Variants in AZIN2 observed in about 807,000 individuals in gnomAD.
AZIN2 encodes ODC antizyme inhibitor-2.
A neutral mutation model predicts 47.8 loss-of-function variants in AZIN2; 28 were observed. The ratio of observed to expected loss-of-function variants is 0.59; its 90% CI spans 0.43 to 0.80. AZIN2 has a LOEUF of 0.80. AZIN2 is among the 30% of genes least tolerant of loss of function. The pLI, the probability that AZIN2 is intolerant of heterozygous loss-of-function variation, is 0.00. For synonymous variants in AZIN2, 221 were observed against 239.4 expected (o/e 0.92, Z 0.71); for missense variants, 535 against 582.5 (o/e 0.92, Z 0.84).
chr1:33,106,378 C>T (rs1644008519), intron 10 of AZIN2, among the ~76,000 whole-genome samples: 1 of 152,118 alleles, frequency 6.6e-6, no homozygotes, highest in African/African-American at 2.4e-5. Flanking sequence ...GAAATGCTTC[C>T]ACAAAACTGA....
chr1:33,147,128 C>T, the AZIN2 span: 10 of 1,585,642 alleles, frequency 6.3e-6, no homozygotes, highest in Non-Finnish European at 8.6e-6. This position sits in a 1 kb window ranked among gnomAD's most constrained non-coding sequence, Gnocchi z 8.1. Flanking sequence ...GGGCAGGGCT[C>T]TTGCAGGTGG....
chr1:33,082,968 C>T (rs1338158923), intron 4 of AZIN2: 2 of 152,898 alleles, frequency 1.3e-5, no homozygotes, highest in Non-Finnish European at 1.5e-5. Flanking sequence ...GCTGTTCCTT[C>T]TGCCTGCAGC....
chr1:33,145,229 C>G, the AZIN2 span, among the ~76,000 whole-genome samples: 1 of 152,150 alleles, frequency 6.6e-6, no homozygotes, highest in Non-Finnish European at 1.5e-5. Flanking sequence ...ATATGGGACC[C>G]CAGGTAAGTC....
At chr1:33,094,917 C>T (rs190958193) in intron 8 of AZIN2, among the ~76,000 whole-genome samples, 2 of 152,152 alleles carry the variant, frequency 1.3e-5, no homozygotes, top group Non-Finnish European at 2.9e-5. Flanking sequence ...GCTTCCTGAG[C>T]CCAAAGCAGA....
At chr1:33,110,844 C>T (rs185980332) in intron 10 of AZIN2, among the ~76,000 whole-genome samples, 4 of 152,312 alleles carry the variant, frequency 2.6e-5, no homozygotes. Flanking sequence ...GAATGGTTAA[C>T]TGTAAAGGTG....
chr1:33,122,730 A>G lies in AZIN2; in HGVS notation c.*2548A>G, dbSNP rs1644817853. Among the ~76,000 whole-genome samples, 1 of 152,186 alleles carries G rather than the reference A, an allele frequency of 6.6e-6. No homozygotes were observed. Among genetic ancestry groups the G allele is most frequent in the Non-Finnish European group, 1.5e-5 (1 of 68,032 alleles). ...TCACAGACCCATCCTTCCCTGGGGCATCACCTGAGGAACATCCTCTTCCCA... is the reference window on the plus strand; with the variant it reads ...TCACAGACCCATCCTTCCCTGGGGCGTCACCTGAGGAACATCCTCTTCCCA... On this transcript the variant is annotated 3_prime_UTR_variant, in exon 12 of 12. Transcript: ENST00000294517.
chr1:33,100,254 GAGGT>G (rs1292433958), intron 10 of AZIN2, among the ~76,000 whole-genome samples: 3 of 151,618 alleles, frequency 2.0e-5, no homozygotes, highest in Non-Finnish European at 4.4e-5. Flanking sequence ...CTGGGAGGCG[GAGGT>G]TGCAGTGATC....
the AZIN2 span, chr1:33,165,439 C>A: frequency 6.5e-7 from 1 of 1,544,590 alleles, no homozygotes; most frequent in Non-Finnish European, 8.8e-7. This position sits in a 1 kb window ranked among gnomAD's most constrained non-coding sequence, Gnocchi z 4.0. Context: ...TCATCTCTGC[C>A]GGCCCCACCT....
At chr1:33,096,626 T>C (rs1470100649) in intron 8 of AZIN2, 81 bp from the exon 9 acceptor site, 4 of 1,528,782 alleles carry the variant, frequency 2.6e-6, no homozygotes, top group East Asian at 4.5e-5. Flanking sequence ...TTTCAAGAAA[T>C]AGACTTGGAG....
chr1:33,149,409 CT>C, the AZIN2 span, among the ~76,000 whole-genome samples: 1 of 151,732 alleles, frequency 6.6e-6, no homozygotes, highest in Non-Finnish European at 1.5e-5. Flanking sequence ...CCACCTCGGC[CT>C]CCCAAAGTTC....
Position 33,113,733 on chromosome 1 carries a change from G to A in AZIN2, c.1030-4169G>A, listed in dbSNP as rs1644390838. 6.6e-6 allele frequency among the ~76,000 whole-genome samples: 1 copy of A among 152,222 alleles called. No individual in the cohort carries two copies. The highest frequency in any genetic ancestry group is 1.5e-5 in the Non-Finnish European group (1 of 68,038). ...TCTCTAGTTTCTCCATTTGGAAAAT[G>A]ACAGGGCTGAACTTCAGTGTATCTC... On this transcript the variant is annotated intron_variant, in intron 10 of 11. Coordinates refer to ENST00000294517, the MANE Select transcript of AZIN2 (RefSeq NM_052998.4). The surrounding 1 kb of genome is among the most constrained non-coding windows in gnomAD (Gnocchi z 4.1).
At chr1:33,090,208 CAG>C in intron 5 of AZIN2, among the ~76,000 whole-genome samples, 1 of 152,362 alleles carries the variant, frequency 6.6e-6, no homozygotes, top group East Asian at 1.9e-4. Context: ...GAAGTTGTGA[CAG>C]AGACTGTGTG....
At chr1:33,144,778 C>A in the AZIN2 span, among the ~76,000 whole-genome samples, 1 of 152,148 alleles carries the variant, frequency 6.6e-6, no homozygotes, top group African/African-American at 2.4e-5. Context: ...TGGTCCTGGT[C>A]TAGGTGGTTC....
intron 4 of AZIN2, 113 bp from the exon 5 acceptor site, chr1:33,083,841 G>C: frequency 3.1e-6 from 4 of 1,299,252 alleles, no homozygotes; most frequent in Non-Finnish European, 2.2e-6. Context: ...TAGCAGCAGG[G>C]TAGCTCTGTG....
intron 7 of AZIN2, among the ~76,000 whole-genome samples, chr1:33,093,812 C>G (rs998127620): frequency 2.0e-5 from 3 of 150,620 alleles, no homozygotes; most frequent in African/African-American, 7.4e-5. Flanking sequence ...TTTTCTGCAG[C>G]CTTGAGCTCC....
intron 10 of AZIN2, among the ~76,000 whole-genome samples, chr1:33,101,411 G>A (rs533517390): frequency 1.3e-5 from 2 of 150,826 alleles, no homozygotes; most frequent in South Asian, 4.2e-4. Context: ...TTTTTCCTGT[G>A]GAGTTTCCTG....
chr1:33,156,215 C>G, the AZIN2 span, among the ~76,000 whole-genome samples: 1 of 152,222 alleles, frequency 6.6e-6, no homozygotes, highest in African/African-American at 2.4e-5. Flanking sequence ...AATCATCTCA[C>G]AGATATGCTG....
chr1:33,130,540 G>C, the AZIN2 span, among the ~76,000 whole-genome samples: 1 of 152,162 alleles, frequency 6.6e-6, no homozygotes, highest in Non-Finnish European at 1.5e-5. Flanking sequence ...CTGTGAGTGA[G>C]CTTGAAAGTA....
intron 4 of AZIN2, chr1:33,083,570 G>A (rs781372365): frequency 2.6e-4 from 84 of 327,422 alleles, no homozygotes; most frequent in Non-Finnish European, 5.0e-4. Flanking sequence ...TGCAGTGGGA[G>A]CATTTAAAAG....
Sources: gnomAD v4.1 joint callset for allele counts (sites outside exome capture counted in the v4.1 genomes callset) on GRCh38, gnomAD v4.1.1 for gene constraint, Gnocchi (gnomAD v3.1) non-coding constraint, MANE v1.5 for transcripts, NCBI Gene and HGNC (gene_info 2026-07-23, HGNC 2026-07-21) for gene names.